Variants in SUMF1 observed in about 807,000 individuals in gnomAD.
SUMF1 encodes sulfatase modifying factor 1, also known as formylglycine-generating enzyme.
Under a neutral mutation model 47.6 loss-of-function variants are expected in SUMF1, and 48 were observed. That is an observed-to-expected ratio of 1.01 (90% CI 0.80 to 1.28). The LOEUF (loss-of-function observed/expected upper bound fraction) is 1.28. Among genes scored for constraint, SUMF1 ranks in the 50% most tolerant of loss-of-function variants. The pLI is 0.00. For synonymous variants in SUMF1, 230 were observed against 192.1 expected, an observed-to-expected ratio of 1.20 and a Z score of -1.63; for missense variants, 571 against 485.4, an observed-to-expected ratio of 1.18 and a Z score of -1.66.
At chr3:4,308,008 G>A (rs1698258064) in intron 8 of SUMF1, among the ~76,000 whole-genome samples, 1 of 152,008 alleles carries the variant, frequency 6.6e-6, no homozygotes, top group African/African-American at 2.4e-5. Flanking sequence ...TTGCACTCCA[G>A]ACTGGGCAGC....
chr3:4,118,673 A>C (rs1396686908), intron 8 of SUMF1, among the ~76,000 whole-genome samples: 2 of 152,094 alleles, frequency 1.3e-5, no homozygotes, highest in Non-Finnish European at 2.9e-5. Context: ...CTAAATGCCA[A>C]ATCTAGTGGG....
intron 8 of SUMF1, among the ~76,000 whole-genome samples, chr3:4,210,437 G>C (rs1314056296): frequency 6.6e-6 from 1 of 152,046 alleles, no homozygotes; most frequent in Non-Finnish European, 1.5e-5. Flanking sequence ...TACACCAATG[G>C]AACAGAATAA....
chr3:4,197,249 G>A (rs912301532), intron 8 of SUMF1, among the ~76,000 whole-genome samples: 6 of 152,020 alleles, frequency 3.9e-5, no homozygotes, highest in African/African-American at 4.8e-5. Context: ...CGAATATTGG[G>A]GACTACAAAT....
At chr3:4,354,507 G>A (rs3306) in intron 8 of SUMF1, among the ~76,000 whole-genome samples, 40,821 of 152,152 alleles carry the variant, frequency 0.27, 7,369 homozygotes, top group African/African-American at 0.51. Flanking sequence ...TATAGGTAGC[G>A]ATAACCAGGT....
intron 6 of SUMF1, among the ~76,000 whole-genome samples, chr3:4,416,282 AT>A (rs1701709267): frequency 6.6e-6 from 1 of 152,082 alleles, no homozygotes. Flanking sequence ...GTTAATATTT[AT>A]GTACAAGATG....
chr3:4,431,068 G>A (rs531708726), intron 3 of SUMF1, among the ~76,000 whole-genome samples: 1 of 152,276 alleles, frequency 6.6e-6, no homozygotes, highest in South Asian at 2.1e-4. Context: ...CAGAAATAAG[G>A]TAGGATGAAT....
intron 8 of SUMF1, among the ~76,000 whole-genome samples, chr3:4,274,307 T>A (rs868050660): frequency 1.3e-5 from 2 of 152,170 alleles, no homozygotes; most frequent in Middle Eastern, 3.4e-3. Flanking sequence ...ACCAAGAAAC[T>A]AAATTTGTAG....
intron 2 of SUMF1, among the ~76,000 whole-genome samples, chr3:4,450,060 C>T (rs1487250880): frequency 6.6e-6 from 1 of 152,154 alleles, no homozygotes. Context: ...TGCAATTCTA[C>T]TACACCAGTG....
intron 7 of SUMF1, among the ~76,000 whole-genome samples, chr3:4,382,835 C>G (rs1365768596): frequency 6.6e-6 from 1 of 152,106 alleles, no homozygotes; most frequent in Non-Finnish European, 1.5e-5. Context: ...AAACCAAACA[C>G]CGCATGTTCT....
downstream of SUMF1, among the ~76,000 whole-genome samples, chr3:4,359,579 A>C (rs1699697134): frequency 6.6e-6 from 1 of 152,106 alleles, no homozygotes; most frequent in African/African-American, 2.4e-5. Flanking sequence ...TCACAGTTCC[A>C]CATGGCTGGG....
intron 8 of SUMF1, among the ~76,000 whole-genome samples, chr3:4,072,514 G>A (rs1002305315): frequency 7.9e-5 from 12 of 152,048 alleles, no homozygotes; most frequent in Non-Finnish European, 1.2e-4. Context: ...GCTTCAGAAG[G>A]TGGATAATCA....
At chr3:4,124,815 A>C (rs1321223585) in intron 8 of SUMF1, among the ~76,000 whole-genome samples, 1 of 152,222 alleles carries the variant, frequency 6.6e-6, no homozygotes, top group East Asian at 1.9e-4. Context: ...TCAAAAAAAA[A>C]AACTCAGGAA....
chr3:4,189,664 G>A lies in SUMF1; in HGVS notation c.1015-120919C>T, dbSNP rs950205999. ...TAAAAAGTAGGGCAAGAGAACAAGA[G>A]ATCCTAGATTAAAGCCTCAAGATTT... On this transcript the variant is annotated intron_variant and NMD_transcript_variant, in intron 8 of 12. Coordinates refer to the SUMF1 transcript ENST00000448413. Among the ~76,000 whole-genome samples, 31 of 152,054 alleles carry A rather than the reference G, an allele frequency of 2.0e-4. 1 individual carries two copies. Among genetic ancestry groups the A allele is most frequent in the Non-Finnish European group, 4.3e-4 (29 of 67,978 alleles).
chr3:4,455,156 C>A (rs574154942), intron 1 of SUMF1, among the ~76,000 whole-genome samples: 1 of 152,298 alleles, frequency 6.6e-6, no homozygotes, highest in Non-Finnish European at 1.5e-5. Flanking sequence ...GACACAATGT[C>A]TTATTTTCAA....
intron 8 of SUMF1, among the ~76,000 whole-genome samples, chr3:4,156,297 C>A (rs1694450472): frequency 6.6e-6 from 1 of 151,508 alleles, no homozygotes; most frequent in Non-Finnish European, 1.5e-5. Flanking sequence ...AATGAAAATT[C>A]TCTCCATCTC....
At chr3:4,334,760 G>A (rs1309108699) in intron 8 of SUMF1, among the ~76,000 whole-genome samples, 1 of 152,180 alleles carries the variant, frequency 6.6e-6, no homozygotes, top group Non-Finnish European at 1.5e-5. Flanking sequence ...GCCACAAGGT[G>A]GAGTAGCCTT....
intron 8 of SUMF1, among the ~76,000 whole-genome samples, chr3:4,195,898 A>T (rs1030026016): frequency 6.6e-6 from 1 of 152,130 alleles, no homozygotes; most frequent in Non-Finnish European, 1.5e-5. Flanking sequence ...GCTTCAAAAC[A>T]TGCTTGTCAT....
intron 8 of SUMF1, among the ~76,000 whole-genome samples, chr3:4,161,851 A>G (rs907612245): frequency 4.0e-5 from 6 of 151,178 alleles, no homozygotes; most frequent in Admixed American, 6.6e-5. Flanking sequence ...ACTCTTCCCT[A>G]TGCTTTTTCT....
intron 8 of SUMF1, among the ~76,000 whole-genome samples, chr3:4,260,026 A>T (rs1048021016): frequency 2.2e-5 from 1 of 46,374 alleles, no homozygotes; most frequent in Non-Finnish European, 5.5e-5. Context: ...AAAAAGGATA[A>T]AAAAAAAAAA....
Sources: allele counts gnomAD v4.1 joint callset (sites outside exome capture counted in the v4.1 genomes callset), GRCh38; gene constraint gnomAD v4.1.1; transcripts MANE v1.5; gene names NCBI Gene and HGNC (gene_info 2026-07-23, HGNC 2026-07-21).